The following ROBO1 variants were observed in gnomAD, a reference collection of about 807,000 sequenced individuals.
The protein encoded by ROBO1 is roundabout guidance receptor 1, also known as roundabout homolog 1.
A neutral mutation model predicts 195.9 loss-of-function variants in ROBO1; 149 were observed. The observed-to-expected ratio is 0.76, with a 90% confidence interval of 0.67 to 0.87. The LOEUF is 0.87. Among genes scored for constraint, ROBO1 ranks in the 40% least tolerant of loss-of-function variants. The pLI, the probability that ROBO1 is intolerant of heterozygous loss-of-function variation, is 0.00. For synonymous variants in ROBO1, 816 were observed against 733.2 expected (o/e 1.11, Z -1.82); for missense variants, 1,933 against 2,068.3 (o/e 0.93, Z 1.27).
At chr3:79,046,318 C>T (rs2108350087) in intron 3 of ROBO1, among the ~76,000 whole-genome samples, 1 of 152,124 alleles carries the variant, frequency 6.6e-6, no homozygotes, top group South Asian at 2.1e-4. Context: ...AAAGGGTCAT[C>T]CCTCAGTCAA....
At chr3:79,468,635 C>A (rs76789205) in intron 2 of ROBO1, among the ~76,000 whole-genome samples, 5,228 of 152,158 alleles carry the variant, frequency 0.034, 204 homozygotes, top group African/African-American at 0.098. Flanking sequence ...AGCAATCATT[C>A]ATTTTTTTAT....
At chr3:78,858,929 G>C (rs187187789) in intron 4 of ROBO1, among the ~76,000 whole-genome samples, 80 of 152,302 alleles carry the variant, frequency 5.3e-4, no homozygotes, top group African/African-American at 1.9e-3. Flanking sequence ...TGAAGGCAGT[G>C]TCTAAGAGTG....
chr3:79,682,542 G>A (rs947567284), intron 1 of ROBO1, among the ~76,000 whole-genome samples: 7 of 151,912 alleles, frequency 4.6e-5, no homozygotes, highest in Non-Finnish European at 7.4e-5. Context: ...TGGAAAAATG[G>A]ATTTTTAAAA....
intron 3 of ROBO1, among the ~76,000 whole-genome samples, chr3:79,037,980 T>A (rs887887898): frequency 6.6e-6 from 1 of 152,164 alleles, no homozygotes; most frequent in Non-Finnish European, 1.5e-5. Context: ...GTCCTTTCAT[T>A]ATGATCCAAG....
chr3:78,622,893 A>G (rs1704539330), intron 26 of ROBO1, among the ~76,000 whole-genome samples: 2 of 152,230 alleles, frequency 1.3e-5, no homozygotes, highest in African/African-American at 4.8e-5. Context: ...GAGACATCAG[A>G]CACATGAGTG....
intron 2 of ROBO1, among the ~76,000 whole-genome samples, chr3:79,524,044 AT>A (rs1354378984): frequency 6.6e-6 from 1 of 152,072 alleles, no homozygotes; most frequent in Non-Finnish European, 1.5e-5. Context: ...ATGAAAAAAC[AT>A]TTTGATGTTA....
intron 2 of ROBO1, among the ~76,000 whole-genome samples, chr3:79,283,840 G>A (rs1042267561): frequency 1.3e-5 from 2 of 151,592 alleles, no homozygotes; most frequent in African/African-American, 4.9e-5. Flanking sequence ...TGGGACTACA[G>A]GCGCCCGCTA....
intron 4 of ROBO1, among the ~76,000 whole-genome samples, chr3:78,750,250 G>A (rs1027708380): frequency 3.3e-5 from 5 of 151,920 alleles, no homozygotes; most frequent in South Asian, 2.1e-4. Context: ...TCAGGAGATC[G>A]AGACCATCCT....
chr3:78,843,530 C>T (rs1401736489), intron 4 of ROBO1, among the ~76,000 whole-genome samples: 3 of 152,016 alleles, frequency 2.0e-5, no homozygotes, highest in Non-Finnish European at 4.4e-5. Context: ...AGCATTTTAG[C>T]ATCACCTGAG....
intron 1 of ROBO1, among the ~76,000 whole-genome samples, chr3:79,757,236 A>G (rs908519504): frequency 6.6e-6 from 1 of 152,150 alleles, no homozygotes. Flanking sequence ...GAACCAACAT[A>G]TTATTTCCAC....
intron 2 of ROBO1, among the ~76,000 whole-genome samples, chr3:79,437,735 G>A (rs2038933578): frequency 2.6e-5 from 4 of 151,912 alleles, no homozygotes; most frequent in Non-Finnish European, 1.5e-5. Flanking sequence ...TTAGCATAAA[G>A]GTTGTGTATA....
chr3:79,213,520 T>C (rs559816939), intron 2 of ROBO1, among the ~76,000 whole-genome samples: 12 of 152,168 alleles, frequency 7.9e-5, no homozygotes, highest in African/African-American at 2.6e-4. Flanking sequence ...TCTAACCACT[T>C]TGAAGGTAGA....
chr3:79,045,063 T>C (rs1410229940), intron 3 of ROBO1, among the ~76,000 whole-genome samples: 1 of 152,066 alleles, frequency 6.6e-6, no homozygotes, highest in African/African-American at 2.4e-5. Context: ...GAATAGTTCT[T>C]TGAAAGACCA....
At chr3:79,655,971 T>A (rs1472558514) in intron 1 of ROBO1, among the ~76,000 whole-genome samples, 1 of 152,076 alleles carries the variant, frequency 6.6e-6, no homozygotes, top group Non-Finnish European at 1.5e-5. Context: ...GGATATTCAT[T>A]AATAAATCAC....
At chr3:79,443,322 C>T (rs1178112490) in intron 2 of ROBO1, among the ~76,000 whole-genome samples, 1 of 152,094 alleles carries the variant, frequency 6.6e-6, no homozygotes, top group Non-Finnish European at 1.5e-5. Flanking sequence ...CTGAAATACT[C>T]GGTCCTTTAT....
intron 2 of ROBO1, among the ~76,000 whole-genome samples, chr3:79,445,166 C>T (rs1255316106): frequency 1.4e-5 from 2 of 144,414 alleles, no homozygotes; most frequent in Non-Finnish European, 3.0e-5. Flanking sequence ...ATCTTACCTA[C>T]CTAGTTCAGG....
In ROBO1 at chr3:79,056,836, G is replaced by T. The variant is rs141337680; in HGVS notation, c.172+68620C>A. Among the ~76,000 whole-genome samples, 648 of 152,096 alleles carry T rather than the reference G, an allele frequency of 4.3e-3. 10 individuals carry two copies. The highest frequency in any genetic ancestry group is 0.015 in the African/African-American group (602 of 41,508). On this transcript the variant is annotated intron_variant, in intron 3 of 30. Coordinates refer to ENST00000464233, the MANE Select transcript of ROBO1 (RefSeq NM_002941.4). ...GTTCAACATAATGATTTAGTAGAGT[G>T]GTGTTTTCTTCCTCATTCTGTGTCA...
chr3:79,210,025 G>A (rs1350610285), intron 2 of ROBO1, among the ~76,000 whole-genome samples: 7 of 152,052 alleles, frequency 4.6e-5, no homozygotes, highest in Admixed American at 1.3e-4. Context: ...TCTCTACAAG[G>A]AAAACTACAA....
intron 2 of ROBO1, among the ~76,000 whole-genome samples, chr3:79,538,392 T>C (rs1205430505): frequency 6.6e-6 from 1 of 151,418 alleles, no homozygotes; most frequent in Non-Finnish European, 1.5e-5. Flanking sequence ...TAAAAAACAG[T>C]ATCTTATTTG....
Sources: allele counts gnomAD v4.1 joint callset (sites outside exome capture counted in the v4.1 genomes callset), GRCh38; gene constraint gnomAD v4.1.1; transcripts MANE v1.5; gene names NCBI Gene and HGNC (gene_info 2026-07-23, HGNC 2026-07-21).